ARMC3: variants seen among roughly 807,000 people sequenced by gnomAD.
ARMC3 encodes the protein armadillo repeat containing 3.
A neutral mutation model predicts 90.3 loss-of-function variants in ARMC3; 74 were observed. The ratio of observed to expected loss-of-function variants is 0.82; its 90% CI spans 0.68 to 0.99. The LOEUF is 0.99. Among genes scored for constraint, ARMC3 ranks in the 50% least tolerant of loss-of-function variants. The pLI, the probability that ARMC3 is intolerant of heterozygous loss-of-function variation, is 0.00. For missense variants in ARMC3, 958 were observed against 1,042.8 expected, an observed-to-expected ratio of 0.92 and a Z score of 1.12; for synonymous variants, 334 against 361.8, an observed-to-expected ratio of 0.92 and a Z score of 0.87.
Position 22,986,563 on chromosome 10 carries a change from CA to C in ARMC3, c.1175+4877del, listed in dbSNP as rs869131638. Among the ~76,000 whole-genome samples the C allele has an allele frequency of 2.1e-3, 229 of 109,354 alleles. 1 individual carries two copies. The highest frequency in any genetic ancestry group is 5.6e-3 in the African/African-American group (166 of 29,710). The allele number at this position is 109,354 out of a possible 152,430, so 71.7% of individuals were successfully genotyped here. Reference sequence around the variant, plus strand: ...TGAGACTCCATCTCAAAAAAAAAAACAAAAAAAAAAAAAACAAACCCAAAAC... The same window carrying C: ...TGAGACTCCATCTCAAAAAAAAAAACAAAAAAAAAAAAACAAACCCAAAAC... On this transcript the variant is annotated intron_variant, in intron 10 of 18. Transcript: ENST00000298032.
intron 8 of ARMC3, among the ~76,000 whole-genome samples, chr10:22,980,558 C>G (rs1396029343): frequency 6.6e-6 from 1 of 151,876 alleles, no homozygotes; most frequent in Non-Finnish European, 1.5e-5. Flanking sequence ...TTTTAATGTT[C>G]TCATTTAGCT....
At chr10:22,991,555 G>C (rs1310977812) in intron 10 of ARMC3, among the ~76,000 whole-genome samples, 1 of 151,972 alleles carries the variant, frequency 6.6e-6, no homozygotes, top group Non-Finnish European at 1.5e-5. Context: ...CCACAGGAAA[G>C]GAACACATCA....
intron 16 of ARMC3, among the ~76,000 whole-genome samples, chr10:23,028,151 A>G (rs1483669176): frequency 6.6e-6 from 1 of 152,134 alleles, no homozygotes; most frequent in African/African-American, 2.4e-5. Context: ...TCAAAAACAA[A>G]CAAAGAACAA....
intron 16 of ARMC3, among the ~76,000 whole-genome samples, chr10:23,019,973 T>A (rs1838442340): frequency 6.6e-6 from 1 of 152,252 alleles, no homozygotes; most frequent in Non-Finnish European, 1.5e-5. Flanking sequence ...ATCAGCAGTT[T>A]ATTTTGGAGT....
At chr10:22,992,932 C>T (rs963650409) in intron 10 of ARMC3, among the ~76,000 whole-genome samples, 4 of 151,502 alleles carry the variant, frequency 2.6e-5, no homozygotes, top group Admixed American at 2.0e-4. Flanking sequence ...GCGTACACAC[C>T]GCCCCTGACC....
In ARMC3 at chr10:22,959,477, T is replaced by C. The variant is rs1179471503; in HGVS notation, c.440T>C (p.Phe147Ser). ...GAGTACACCAGTAAAGTGCAAATATTTGAACATGGGGGATTAGAGCCACTC... is the reference window on the plus strand; with the variant it reads ...GAGTACACCAGTAAAGTGCAAATATCTGAACATGGGGGATTAGAGCCACTC... Reference protein sequence around the residue: ...SAEYTSKVQIFEHGGLEPLIR... With the variant: ...SAEYTSKVQISEHGGLEPLIR... The change falls in exon 6 of 19, where the codon TTT (phenylalanine) becomes TCT (serine). Residue 147 changes from phenylalanine (F) to serine (S), a missense_variant. By Grantham distance (155) the Phe-to-Ser change is radical. Transcript: ENST00000298032. 6.2e-7 allele frequency: 1 copy of C among 1,613,974 alleles called. No individual in the cohort carries two copies. The highest frequency in any genetic ancestry group is 1.3e-5 in the African/African-American group (1 of 75,026).
chr10:23,024,173 T>A (rs1838620093), intron 16 of ARMC3, among the ~76,000 whole-genome samples: 1 of 152,188 alleles, frequency 6.6e-6, no homozygotes, highest in African/African-American at 2.4e-5. Context: ...GGAAGTGGCA[T>A]GTTTTTCAAG....
At chr10:22,942,786 A>G (rs553423319) in intron 2 of ARMC3, among the ~76,000 whole-genome samples, 2 of 152,368 alleles carry the variant, frequency 1.3e-5, no homozygotes, top group East Asian at 3.9e-4. Flanking sequence ...ATGTAAAAGA[A>G]TATTCATTGT....
At chr10:22,960,399 C>T (rs940991879) in intron 6 of ARMC3, 1 of 152,236 alleles carries the variant, frequency 6.6e-6, no homozygotes, top group Non-Finnish European at 1.5e-5. Flanking sequence ...GACAAATAGG[C>T]TCATGTCAAA....
intron 7 of ARMC3, among the ~76,000 whole-genome samples, chr10:22,964,440 A>ATT (rs112985563): frequency 2.1e-4 from 29 of 138,476 alleles, no homozygotes; most frequent in African/African-American, 6.1e-4. Context: ...TGTAGTGTTA[A>ATT]TTTTTTTTTT....
chr10:22,990,939 C>T (rs1020828560), intron 10 of ARMC3, among the ~76,000 whole-genome samples: 4 of 151,966 alleles, frequency 2.6e-5, no homozygotes, highest in Non-Finnish European at 5.9e-5. Context: ...CCACCTTTTT[C>T]CCCGGGTTCC....
chr10:22,929,820 G>A (rs1013049476), intron 1 of ARMC3, among the ~76,000 whole-genome samples: 2 of 152,118 alleles, frequency 1.3e-5, no homozygotes, highest in Admixed American at 6.5e-5. Context: ...CAAAGTGCTG[G>A]GATTACAGGA....
At chr10:22,939,622 A>G (rs1479397246) in intron 2 of ARMC3, among the ~76,000 whole-genome samples, 1 of 152,200 alleles carries the variant, frequency 6.6e-6, no homozygotes, top group African/African-American at 2.4e-5. Flanking sequence ...TCCATAAGTA[A>G]GATAACTGCC....
Position 22,980,237 on chromosome 10 carries a change from T to C in ARMC3, c.917-1103T>C, listed in dbSNP as rs114597393. Reference sequence around the variant, plus strand: ...ATTCTAATAGAATATTCTTCTCTTATATATCTTGAGTGCATATCACACATT... The same window carrying C: ...ATTCTAATAGAATATTCTTCTCTTACATATCTTGAGTGCATATCACACATT... On this transcript the variant is annotated intron_variant, in intron 8 of 18. Coordinates refer to ENST00000298032, the MANE Select transcript of ARMC3 (RefSeq NM_173081.5). Among the ~76,000 whole-genome samples, 842 of 152,308 alleles carry C rather than the reference T, an allele frequency of 5.5e-3. 9 individuals are homozygous for C. Among genetic ancestry groups the C allele is most frequent in the African/African-American group, 0.019 (801 of 41,586 alleles).
At chr10:22,941,433 G>C (rs1834324525) in intron 2 of ARMC3, among the ~76,000 whole-genome samples, 1 of 152,100 alleles carries the variant, frequency 6.6e-6, no homozygotes, top group Non-Finnish European at 1.5e-5. Flanking sequence ...TTGACAGGGA[G>C]GAGTTGACTA....
intron 12 of ARMC3, among the ~76,000 whole-genome samples, chr10:23,002,707 T>TC (rs1837366114): frequency 1.3e-5 from 2 of 152,010 alleles, no homozygotes; most frequent in African/African-American, 4.8e-5. Context: ...TTCGCAATTC[T>TC]CCTGTCTCAG....
At chr10:22,979,229 C>G (rs1298018283) in intron 8 of ARMC3, among the ~76,000 whole-genome samples, 10 of 152,138 alleles carry the variant, frequency 6.6e-5, no homozygotes, top group Admixed American at 6.5e-4. Context: ...GGACATTATG[C>G]TATTAGTAGC....
chr10:22,991,432 G>GTT lies in ARMC3; in HGVS notation c.1176-6708_1176-6707dup, dbSNP rs551626751. On this transcript the variant is annotated intron_variant, in intron 10 of 18. Coordinates refer to ENST00000298032, the MANE Select transcript of ARMC3 (RefSeq NM_173081.5). Reference sequence around the variant, plus strand: ...AGGGAACTTACCACCTTGACTGTAGGTTTTTTTTTGTTTTTTCTTTTTTGT... The same window carrying GTT: ...AGGGAACTTACCACCTTGACTGTAGGTTTTTTTTTTTGTTTTTTCTTTTTTGT... Among the ~76,000 whole-genome samples the GTT allele has an allele frequency of 1.7e-4, 26 of 150,718 alleles. No homozygotes were observed. The East Asian group carries it at 4.5e-3, about 26-fold the overall frequency.
chr10:22,959,222 A>G, intron 5 of ARMC3, 84 bp downstream of exon 5: 1 of 1,407,394 alleles, frequency 7.1e-7, no homozygotes. Flanking sequence ...ATCATTCATG[A>G]AATATTGTAA....
Sources: gnomAD v4.1 joint callset for allele counts (sites outside exome capture counted in the v4.1 genomes callset) on GRCh38, gnomAD v4.1.1 for gene constraint, MANE v1.5 for transcripts, NCBI Gene and HGNC (gene_info 2026-07-23, HGNC 2026-07-21) for gene names.